WNK1: variants seen among roughly 807,000 people sequenced by gnomAD.
WNK1 encodes serine/threonine-protein kinase WNK1.
Under a neutral mutation model 222.8 loss-of-function variants are expected in WNK1, and 38 were observed. The ratio of observed to expected loss-of-function variants is 0.17; its 90% CI spans 0.13 to 0.22. WNK1 has a LOEUF of 0.22. WNK1 is among the 10% of genes least tolerant of loss of function. WNK1 has a pLI of 1.00. For missense variants in WNK1, 2,348 were observed against 2,918.4 expected (o/e 0.80, Z 4.50); for synonymous variants, 1,090 against 1,092.9 (o/e 1.00, Z 0.05).
At chr12:803,620 C>T (rs183609235) in intron 1 of WNK1, among the ~76,000 whole-genome samples, 1 of 152,118 alleles carries the variant, frequency 6.6e-6, no homozygotes, top group Admixed American at 6.5e-5. Context: ...CTGTCTACTC[C>T]CAGCTACTCA....
chr12:812,373 C>G (rs1227467373), intron 1 of WNK1, among the ~76,000 whole-genome samples: 1 of 152,156 alleles, frequency 6.6e-6, no homozygotes, highest in Admixed American at 6.5e-5. Context: ...GGCTGTTGAA[C>G]AAGTCACTAT....
chr12:884,605 C>T lies in WNK1; in HGVS notation c.3845-44C>T. 1.9e-6 allele frequency: 3 copies of T among 1,582,534 alleles called. No individual in the cohort carries two copies. The highest frequency in any genetic ancestry group is 2.6e-6 in the Non-Finnish European group (3 of 1,152,168). On this transcript the variant is annotated intron_variant, in intron 18 of 27. Transcript: ENST00000315939. This position sits in a 1 kb window ranked among gnomAD's most constrained non-coding sequence, Gnocchi z 5.6. ...TAGCAGACAATCTTTTGAATCCATC[C>T]TTTTAAAATCAGCTGATTCTTATCT...
chr12:801,862 A>G (rs1009772771), intron 1 of WNK1, among the ~76,000 whole-genome samples: 11 of 152,272 alleles, frequency 7.2e-5, no homozygotes, highest in Admixed American at 6.5e-4. Context: ...AAATACTTAT[A>G]CATTTCAATT....
chr12:878,381 TTA>T lies in WNK1; in HGVS notation c.2373+21_2373+22del. 1 of 1,610,278 alleles carries T rather than the reference TTA, an allele frequency of 6.2e-7. No individual in the cohort carries two copies. The highest frequency in any genetic ancestry group is 8.5e-7 in the Non-Finnish European group (1 of 1,177,358). ...AAACAGGTAAACTTTTTTTTTTTTT[TTA>T]AACAGGTAAACTCTTAATTTCTGAA... On this transcript the variant is annotated intron_variant, in intron 10 of 27. Coordinates refer to ENST00000315939, the MANE Select transcript of WNK1 (RefSeq NM_018979.4).
intron 8 of WNK1, among the ~76,000 whole-genome samples, chr12:863,086 G>A (rs1951341067): frequency 6.6e-6 from 1 of 151,618 alleles, no homozygotes; most frequent in African/African-American, 2.4e-5. Flanking sequence ...CCTCTGAAAG[G>A]TATTAGAAAA....
At chr12:766,355 T>G (rs1941693514) in intron 1 of WNK1, among the ~76,000 whole-genome samples, 1 of 152,192 alleles carries the variant, frequency 6.6e-6, no homozygotes, top group African/African-American at 2.4e-5. Context: ...GAAGGTTGGG[T>G]ACAAGGATGA....
In WNK1 at chr12:896,128, A is replaced by G; in HGVS notation, c.5641A>G (p.Lys1881Glu). 6.2e-7 allele frequency: 1 copy of G among 1,614,202 alleles called. No homozygotes were observed. The highest frequency in any genetic ancestry group is 8.5e-7 in the Non-Finnish European group (1 of 1,180,038). Reference protein sequence around the residue: ...KEGKNKSEDAKSVHFESSTSE... With the variant: ...KEGKNKSEDAESVHFESSTSE... ...GGGTAAAAATAAGTCAGAAGATGCAAAGTCTGTTCATTTTGAATCCAGCAC... is the reference window on the plus strand; with the variant it reads ...GGGTAAAAATAAGTCAGAAGATGCAGAGTCTGTTCATTTTGAATCCAGCAC... Residue 1881 changes from lysine to glutamate, a missense_variant, in exon 24 of 28, where the codon AAG becomes GAG. Physicochemically the swap from Lys to Glu is moderately conservative, Grantham distance 56. This residue lies in a region of WNK1 where 1,144 missense variants were observed against 1,273.6 expected (regional missense o/e 0.90). Coordinates refer to ENST00000315939, the MANE Select transcript of WNK1 (RefSeq NM_018979.4).
chr12:885,150 CTTCAGTAACAGT>C lies in WNK1; in HGVS notation c.4352_4363del (p.Val1451_Ser1454del), dbSNP rs753602469. On this transcript the variant is annotated inframe_deletion, in exon 19 of 28. Transcript: ENST00000315939. ...GTTGTTTCTAGTACAGCACTGTATC[CTTCAGTAACAGT>C]TTCAGCAACTTCAGCCTCTGCAGGG... The C allele has an allele frequency of 2.5e-5, 41 of 1,614,220 alleles. No homozygotes were observed. Among genetic ancestry groups the C allele is most frequent in the South Asian group, 1.8e-4 (16 of 91,086 alleles).
intron 23 of WNK1, 125 bp from the exon 24 acceptor site, chr12:895,946 A>T: frequency 7.6e-7 from 1 of 1,310,256 alleles, no homozygotes; most frequent in Non-Finnish European, 1.1e-6. Context: ...GCGCTATGTA[A>T]AGAGACAATC....
intron 22 of WNK1, among the ~76,000 whole-genome samples, chr12:891,709 G>A (rs1365538086): frequency 1.3e-5 from 2 of 151,296 alleles, no homozygotes. Context: ...CCCTTTTGGG[G>A]TGCCTATGAG....
intron 8 of WNK1, chr12:867,717 A>G: frequency 1.1e-6 from 1 of 910,370 alleles, no homozygotes; most frequent in East Asian, 2.7e-5. Context: ...TACTATGCAC[A>G]TAATTTCCAG....
rs775221569 is a variant in WNK1, at chr12:861,347, C to T, written c.1951+4C>T. On this transcript the variant is annotated splice_donor_region_variant and intron_variant, in intron 7 of 27. Transcript: ENST00000315939. ...CAACCCAGTATATCTGTGTTATGTACGTATCTTGGGAAGTGGACAGATAGG... is the reference window on the plus strand; with the variant it reads ...CAACCCAGTATATCTGTGTTATGTATGTATCTTGGGAAGTGGACAGATAGG... 19 of 1,613,746 alleles carry T rather than the reference C, an allele frequency of 1.2e-5. No homozygotes were observed. Among genetic ancestry groups the T allele is most frequent in the East Asian group, 1.1e-4 (5 of 44,882 alleles).
intron 26 of WNK1, among the ~76,000 whole-genome samples, chr12:904,782 C>A (rs1289769366): frequency 6.6e-6 from 1 of 152,112 alleles, no homozygotes; most frequent in Non-Finnish European, 1.5e-5. Context: ...ATCCTTTGGT[C>A]AGCAAATATG....
intron 8 of WNK1, among the ~76,000 whole-genome samples, chr12:870,836 C>G (rs1406984551): frequency 6.6e-6 from 1 of 152,168 alleles, no homozygotes; most frequent in African/African-American, 2.4e-5. Flanking sequence ...TGATAAAAGT[C>G]ATTGTGGCAC....
chr12:774,638 C>T (rs770380135), intron 1 of WNK1, among the ~76,000 whole-genome samples: 16 of 152,144 alleles, frequency 1.1e-4, no homozygotes, highest in Non-Finnish European at 2.2e-4. Flanking sequence ...AGGGCATGAA[C>T]ATTTAAATAC....
Position 889,272 on chromosome 12 carries a change from A to C in WNK1, c.5448+49A>C, listed in dbSNP as rs377006560. ...AATCTCCTCATAACCCTAATATATT[A>C]TATGCCTGGGACACAAACTGTAACC... On this transcript the variant is annotated intron_variant, in intron 21 of 27. Coordinates refer to ENST00000315939, the MANE Select transcript of WNK1 (RefSeq NM_018979.4). The C allele has an allele frequency of 5.7e-5, 84 of 1,475,738 alleles. No homozygotes were observed. In the East Asian group the frequency reaches 7.0e-4, roughly 12 times the overall value. The allele number at this position is 1,475,738 out of a possible 1,614,324, so 91.4% of individuals were successfully genotyped here.
intron 4 of WNK1, among the ~76,000 whole-genome samples, chr12:847,799 C>A (rs958252832): frequency 2.5e-4 from 27 of 107,158 alleles, no homozygotes; most frequent in African/African-American, 9.0e-4. Context: ...TGGATTAATT[C>A]TCTTTTTTTT....
intron 1 of WNK1, among the ~76,000 whole-genome samples, chr12:802,224 ATTAG>A (rs1206524769): frequency 6.6e-6 from 1 of 152,194 alleles, no homozygotes; most frequent in Non-Finnish European, 1.5e-5. Context: ...AGCAATACTA[ATTAG>A]TTACGAGGAT....
intron 1 of WNK1, among the ~76,000 whole-genome samples, chr12:760,206 G>A (rs1282034422): frequency 6.8e-6 from 1 of 147,804 alleles, no homozygotes; most frequent in Non-Finnish European, 1.5e-5. Flanking sequence ...ATCTTTGCAT[G>A]TATCTAGAAA....
Sources: allele counts gnomAD v4.1 joint callset (sites outside exome capture counted in the v4.1 genomes callset), GRCh38; gene constraint gnomAD v4.1.1; regional missense constraint gnomAD v4.1.1; non-coding constraint Gnocchi (gnomAD v3.1); transcripts MANE v1.5; gene names NCBI Gene and HGNC (gene_info 2026-07-23, HGNC 2026-07-21).